The following BMPR2 variants were observed in gnomAD, a reference collection of about 807,000 sequenced individuals.
BMPR2 encodes bone morphogenetic protein receptor type 2.
In BMPR2, 29 loss-of-function variants were observed where a neutral mutation model predicts 100.8. The observed-to-expected ratio is 0.29, with a 90% CI of 0.21 to 0.39. The LOEUF (loss-of-function observed/expected upper bound fraction) is 0.39, where lower values mean the gene tolerates loss of function less well. BMPR2 is among the 10% of genes least tolerant of loss of function. BMPR2 has a pLI of 1.00. For synonymous variants in BMPR2, 382 were observed against 442.3 expected, an observed-to-expected ratio of 0.86 and a Z score of 1.71; for missense variants, 1,011 against 1,274.5, an observed-to-expected ratio of 0.79 and a Z score of 3.15.
At position 202,563,816 on chromosome 2, in the gene BMPR2, C is replaced by T. The variant is rs1688713234; in HGVS notation, c.*3870C>T. ...TCCTTTGAATCCATCTTCAAAACTT[C>T]TGCTTTTAATAACTTTAGAAAATTT... On this transcript the variant is annotated 3_prime_UTR_variant, in exon 13 of 13. Transcript: ENST00000374580. 1 of 152,156 alleles carries T rather than the reference C, an allele frequency of 6.6e-6. No individual in the cohort carries two copies. The allele number at this position is 152,156 out of a possible 1,614,324, so 9.4% of individuals were successfully genotyped here.
At position 202,376,816 on chromosome 2, in the gene BMPR2, C is replaced by G. The variant is rs1389777300; in HGVS notation, c.-659C>G. 1 of 403,354 alleles carries G rather than the reference C, an allele frequency of 2.5e-6. No homozygotes were observed. Among genetic ancestry groups the G allele is most frequent in the African/African-American group, 2.1e-5 (1 of 48,526 alleles). The allele number at this position is 403,354 out of a possible 1,614,324, so 25.0% of individuals were successfully genotyped here. On this transcript the variant is annotated 5_prime_UTR_variant, in exon 1 of 13. Transcript: ENST00000374580. ...CTCTCCTCAGCCTTCGCCAGGGCCTCCCCAACCCTCTCACGGTTGTTCTGC... is the reference window on the plus strand; with the variant it reads ...CTCTCCTCAGCCTTCGCCAGGGCCTGCCCAACCCTCTCACGGTTGTTCTGC...
chr2:202,428,262 C>G (rs1283353079), intron 1 of BMPR2, among the ~76,000 whole-genome samples: 1 of 152,072 alleles, frequency 6.6e-6, no homozygotes, highest in Non-Finnish European at 1.5e-5. Flanking sequence ...ATTTCTCTCT[C>G]TCTACACACT....
intron 1 of BMPR2, among the ~76,000 whole-genome samples, chr2:202,400,201 G>C (rs1176172313): frequency 1.3e-5 from 2 of 152,082 alleles, no homozygotes; most frequent in African/African-American, 4.8e-5. Flanking sequence ...GAGTACAGTG[G>C]TACAATCATA....
At chr2:202,410,641 A>T (rs1000618202) in intron 1 of BMPR2, among the ~76,000 whole-genome samples, 3 of 152,174 alleles carry the variant, frequency 2.0e-5, no homozygotes, top group Admixed American at 6.5e-5. Flanking sequence ...GTGCAGTGGC[A>T]CGATCTGGGC....
intron 3 of BMPR2, among the ~76,000 whole-genome samples, chr2:202,470,474 G>T (rs1692412883): frequency 6.6e-6 from 1 of 151,746 alleles, no homozygotes; most frequent in African/African-American, 2.4e-5. Context: ...AGAAAGTAAG[G>T]AAAGAGGCCG....
chr2:202,424,450 C>T (rs1443124174), intron 1 of BMPR2, among the ~76,000 whole-genome samples: 4 of 151,584 alleles, frequency 2.6e-5, no homozygotes, highest in Non-Finnish European at 4.4e-5. Flanking sequence ...GTAATCCCAG[C>T]ACTTTTGGAG....
intron 1 of BMPR2, among the ~76,000 whole-genome samples, chr2:202,417,383 GC>G (rs1691155803): frequency 6.6e-6 from 1 of 151,534 alleles, no homozygotes; most frequent in South Asian, 2.1e-4. Flanking sequence ...GCTCACCGCA[GC>G]CTCCGCCTTC....
At chr2:202,410,708 C>A (rs945127134) in intron 1 of BMPR2, among the ~76,000 whole-genome samples, 2 of 151,886 alleles carry the variant, frequency 1.3e-5, no homozygotes, top group African/African-American at 2.4e-5. Flanking sequence ...GCCACCCGAG[C>A]AGCTGGGACT....
intron 3 of BMPR2, among the ~76,000 whole-genome samples, chr2:202,480,839 T>C (rs1692644531): frequency 6.7e-6 from 1 of 150,208 alleles, no homozygotes; most frequent in South Asian, 2.1e-4. Context: ...CCTATAGTCC[T>C]AGCTACTCAG....
chr2:202,380,555 G>A (rs183494052), intron 1 of BMPR2, among the ~76,000 whole-genome samples: 204 of 151,844 alleles, frequency 1.3e-3, no homozygotes, highest in African/African-American at 4.7e-3. Flanking sequence ...GAGAACCCCC[G>A]CAAAGTCTCA....
rs2105891666 is a variant in BMPR2 at position 202,376,943 on chromosome 2, CCGAAG to C, written c.-527_-523del. ...TTTCGAAATCAGAGTGAAGGAAGCA[CCGAAG>C]CGAAACTTAAGGAATCCTGCCTTCC... On this transcript the variant is annotated 5_prime_UTR_variant, in exon 1 of 13. Coordinates refer to ENST00000374580, the MANE Select transcript of BMPR2 (RefSeq NM_001204.7). The C allele has an allele frequency of 6.7e-6, 3 of 446,416 alleles. No homozygotes were observed. The South Asian group carries it at 2.0e-4, about 29-fold the overall frequency. The allele number at this position is 446,416 out of a possible 1,614,324, so 27.7% of individuals were successfully genotyped here. A position where few individuals can be genotyped will look rare whatever the true frequency, so the allele number is the denominator to read the frequency against.
intron 1 of BMPR2, among the ~76,000 whole-genome samples, chr2:202,440,482 A>C (rs1042040449): frequency 5.5e-5 from 8 of 144,162 alleles, no homozygotes; most frequent in Non-Finnish European, 1.2e-4. Context: ...CACTTCCCAG[A>C]CTGGGCGGCC....
intron 3 of BMPR2, among the ~76,000 whole-genome samples, chr2:202,491,912 A>G (rs1229544712): frequency 2.6e-5 from 4 of 152,152 alleles, no homozygotes; most frequent in Admixed American, 2.0e-4. Flanking sequence ...TGTTCTTTTT[A>G]TTGTCATTAT....
chr2:202,555,969 G>T lies in BMPR2; in HGVS notation c.2304G>T (p.Glu768Asp), dbSNP rs1367128824. The T allele has an allele frequency of 6.2e-7, 1 of 1,614,078 alleles. No homozygotes were observed. Among genetic ancestry groups the T allele is most frequent in the Admixed American group, 1.7e-5 (1 of 60,006 alleles). ...LPLNTKNSTK[E>D]PRLKFGSKHK... ...TGAACACCAAAAATTCAACAAAAGAGCCCCGGCTAAAATTTGGCAGCAAGC... is the reference window on the plus strand; with the variant it reads ...TGAACACCAAAAATTCAACAAAAGATCCCCGGCTAAAATTTGGCAGCAAGC... The change falls in exon 12 of 13, where the codon GAG (glutamate) becomes GAT (aspartate). Residue 768 changes from glutamate (E) to aspartate (D), a missense_variant. By Grantham distance (45) the Glu-to-Asp change is conservative. Transcript: ENST00000374580.
At chr2:202,465,764 A>G (rs1354123603) in intron 2 of BMPR2, among the ~76,000 whole-genome samples, 1 of 152,056 alleles carries the variant, frequency 6.6e-6, no homozygotes, top group Non-Finnish European at 1.5e-5. Flanking sequence ...GAGGCAGGAG[A>G]ATGGCATGAA....
At chr2:202,521,960 A>G (rs1215645235) in intron 7 of BMPR2, among the ~76,000 whole-genome samples, 1 of 152,188 alleles carries the variant, frequency 6.6e-6, no homozygotes, top group Non-Finnish European at 1.5e-5. Context: ...GGAGTTTGAG[A>G]CCAGCATGGG....
At chr2:202,433,247 AAGT>A (rs1439342209) in intron 1 of BMPR2, among the ~76,000 whole-genome samples, 5 of 150,466 alleles carry the variant, frequency 3.3e-5, no homozygotes, top group African/African-American at 5.0e-5. Flanking sequence ...CAATAGGAGT[AAGT>A]AGATAGGTAG....
chr2:202,381,759 C>T (rs1690298750), intron 1 of BMPR2, among the ~76,000 whole-genome samples: 1 of 152,082 alleles, frequency 6.6e-6, no homozygotes, highest in African/African-American at 2.4e-5. Context: ...AAACTTTGGT[C>T]TCTACAAAAG....
intron 1 of BMPR2, among the ~76,000 whole-genome samples, chr2:202,432,640 T>C (rs1469830541): frequency 6.6e-6 from 1 of 150,672 alleles, no homozygotes; most frequent in Non-Finnish European, 1.5e-5. Context: ...CATTCTTTAA[T>C]TATAGTTTGT....
Sources: gnomAD v4.1 joint callset for allele counts (sites outside exome capture counted in the v4.1 genomes callset) on GRCh38, gnomAD v4.1.1 for gene constraint, MANE v1.5 for transcripts, NCBI Gene and HGNC (gene_info 2026-07-23, HGNC 2026-07-21) for gene names.